Variants in MICU1 observed in about 807,000 individuals in gnomAD.
The protein encoded by MICU1 is calcium uptake protein 1, mitochondrial.
Under a neutral mutation model 56.8 loss-of-function variants are expected in MICU1, and 45 were observed. The ratio of observed to expected loss-of-function variants is 0.79; its 90% CI spans 0.62 to 1.02. The LOEUF is 1.02. Among genes scored for constraint, MICU1 ranks in the 50% least tolerant of loss-of-function variants. The probability of loss-of-function intolerance (pLI) is 0.00; values close to 1 mark genes in which losing one functional copy is unlikely to be tolerated. For synonymous variants in MICU1, 186 were observed against 195.1 expected, an observed-to-expected ratio of 0.95 and a Z score of 0.39; for missense variants, 504 against 587.1, an observed-to-expected ratio of 0.86 and a Z score of 1.46.
At chr10:72,377,956 T>C (rs542463677) in intron 10 of MICU1, among the ~76,000 whole-genome samples, 1 of 152,252 alleles carries the variant, frequency 6.6e-6, no homozygotes, top group Admixed American at 6.5e-5. Context: ...TCATGTCAAA[T>C]TGTAATTCCC....
chr10:72,456,946 G>GGTGTGTGTGTGTGGGT (rs1479978263), intron 8 of MICU1, among the ~76,000 whole-genome samples: 2,439 of 117,776 alleles, frequency 0.021, 99 homozygotes, highest in African/African-American at 0.073. Context: ...ATATTGCCCA[G>GGTGTGTGTGTGTGGGT]GTGTGTGTGT....
At chr10:72,476,088 G>A (rs1049601501) in intron 7 of MICU1, among the ~76,000 whole-genome samples, 1 of 151,890 alleles carries the variant, frequency 6.6e-6, no homozygotes, top group Non-Finnish European at 1.5e-5. Flanking sequence ...TTAGCCGGGT[G>A]TGGTGGTGGG....
chr10:72,452,269 T>C (rs1368431800), intron 8 of MICU1, among the ~76,000 whole-genome samples: 1 of 152,118 alleles, frequency 6.6e-6, no homozygotes, highest in Non-Finnish European at 1.5e-5. Flanking sequence ...CCCCAAATCA[T>C]CTAGGGAGGA....
intron 6 of MICU1, among the ~76,000 whole-genome samples, chr10:72,493,322 AC>A (rs1762108371): frequency 6.6e-6 from 1 of 152,216 alleles, no homozygotes; most frequent in South Asian, 2.1e-4. Flanking sequence ...TCTCTGCATT[AC>A]ATACATTATA....
chr10:72,368,721 C>G (rs939959683), intron 11 of MICU1, among the ~76,000 whole-genome samples: 1 of 151,996 alleles, frequency 6.6e-6, no homozygotes, highest in Non-Finnish European at 1.5e-5. Flanking sequence ...CTATGGGGGG[C>G]ACAGAGGAAG....
chr10:72,549,853 C>A (rs1839988725), intron 4 of MICU1, among the ~76,000 whole-genome samples: 2 of 145,650 alleles, frequency 1.4e-5, no homozygotes, highest in South Asian at 4.2e-4. Flanking sequence ...TCGCTTGAAC[C>A]CAGGAGGTGG....
At chr10:72,606,310 G>A (rs550402565) in intron 1 of MICU1, among the ~76,000 whole-genome samples, 6 of 151,632 alleles carry the variant, frequency 4.0e-5, no homozygotes, top group South Asian at 4.2e-4. Flanking sequence ...TCAGGAGTTC[G>A]AGACCAGCCC....
intron 10 of MICU1, among the ~76,000 whole-genome samples, chr10:72,404,426 T>C (rs887239549): frequency 6.6e-6 from 1 of 152,292 alleles, no homozygotes; most frequent in Non-Finnish European, 1.5e-5. Context: ...AACAAAGGTA[T>C]GAGCAGAAAT....
At chr10:72,624,726 A>G (rs1842188130) in intron 1 of MICU1, among the ~76,000 whole-genome samples, 2 of 152,220 alleles carry the variant, frequency 1.3e-5, no homozygotes. Context: ...AAGATGTCAG[A>G]GACACTTGCT....
At chr10:72,579,064 C>T (rs1840829791) in intron 1 of MICU1, among the ~76,000 whole-genome samples, 2 of 152,160 alleles carry the variant, frequency 1.3e-5, no homozygotes, top group Non-Finnish European at 2.9e-5. Flanking sequence ...ATGAGGCACA[C>T]CTATACCTAA....
chr10:72,516,786 T>G (rs1271226555), intron 5 of MICU1, among the ~76,000 whole-genome samples: 2 of 152,200 alleles, frequency 1.3e-5, no homozygotes, highest in African/African-American at 4.8e-5. Context: ...TCTGTTCCAT[T>G]GGTCTATATG....
intron 8 of MICU1, among the ~76,000 whole-genome samples, chr10:72,445,862 T>G (rs898055358): frequency 6.6e-6 from 1 of 152,230 alleles, no homozygotes; most frequent in Admixed American, 6.5e-5. Context: ...AGATAATAGA[T>G]GTGAAACCAT....
chr10:72,542,332 T>C (rs531069917), intron 4 of MICU1, among the ~76,000 whole-genome samples: 3 of 152,346 alleles, frequency 2.0e-5, no homozygotes, highest in Non-Finnish European at 4.4e-5. Context: ...TGGCTGTAGA[T>C]GGCCAATCCC....
chr10:72,418,472 T>C (rs1256158450), intron 9 of MICU1, among the ~76,000 whole-genome samples: 1 of 152,200 alleles, frequency 6.6e-6, no homozygotes, highest in East Asian at 1.9e-4. Context: ...ATAGGAAGCC[T>C]TGGATTTTAG....
Position 72,546,597 on chromosome 10 carries a change from T to C in MICU1, c.493+4582A>G, listed in dbSNP as rs185660186. ...CCAATTACTCTTTGCTCAATTAAAC[T>C]CAGTTAAATTTATCTAAAGTTTTTC... On this transcript the variant is annotated intron_variant, in intron 4 of 11. Coordinates refer to ENST00000361114, the MANE Select transcript of MICU1 (RefSeq NM_001195518.2). 2.4e-3 allele frequency among the ~76,000 whole-genome samples: 367 copies of C among 152,376 alleles called. 1 individual carries two copies. The highest frequency in any genetic ancestry group is 8.3e-3 in the African/African-American group (347 of 41,590).
chr10:72,563,079 A>G lies in MICU1; in HGVS notation c.162-16T>C, dbSNP rs761841603. On this transcript the variant is annotated splice_polypyrimidine_tract_variant and intron_variant, in intron 2 of 11. Transcript: ENST00000361114. ...TGCATGGGCCCTGGATATGCAAAAA[A>G]GAAATCTAGATTAATCTTGAACGTC... The G allele has an allele frequency of 1.3e-6, 2 of 1,502,248 alleles. No individual in the cohort carries two copies. The highest frequency in any genetic ancestry group is 2.8e-5 in the African/African-American group (2 of 71,036). The allele number at this position is 1,502,248 out of a possible 1,614,324, so 93.1% of individuals were successfully genotyped here.
intron 5 of MICU1, among the ~76,000 whole-genome samples, chr10:72,513,538 A>C (rs1867551353): frequency 6.6e-6 from 1 of 152,182 alleles, no homozygotes; most frequent in Admixed American, 6.5e-5. Flanking sequence ...TGTCCTATGA[A>C]GCAGAAAAGT....
intron 1 of MICU1, among the ~76,000 whole-genome samples, chr10:72,572,696 T>C (rs1358180221): frequency 6.6e-6 from 1 of 151,894 alleles, no homozygotes; most frequent in Admixed American, 6.6e-5. Context: ...GAAAAATGGC[T>C]CCGAAAACTG....
At chr10:72,537,172 T>C (rs1589319410) in intron 4 of MICU1, among the ~76,000 whole-genome samples, 3 of 152,216 alleles carry the variant, frequency 2.0e-5, no homozygotes, top group South Asian at 4.1e-4. Context: ...TTATTTCAAG[T>C]TGAAAGAAAT....
Sources: allele counts gnomAD v4.1 joint callset (sites outside exome capture counted in the v4.1 genomes callset), GRCh38; gene constraint gnomAD v4.1.1; transcripts MANE v1.5; gene names NCBI Gene and HGNC (gene_info 2026-07-23, HGNC 2026-07-21).